Variants in SEMA4A observed in about 807,000 individuals in gnomAD.
SEMA4A encodes the protein semaphorin-4A.
In SEMA4A, 52 loss-of-function variants were observed where a neutral mutation model predicts 72.5. The ratio of observed to expected loss-of-function variants is 0.72; its 90% CI spans 0.57 to 0.90. SEMA4A has a LOEUF of 0.90. Ranked by LOEUF, SEMA4A falls within the 40% of genes least tolerant of loss-of-function variation. The pLI, the probability that SEMA4A is intolerant of heterozygous loss-of-function variation, is 0.00. For synonymous variants in SEMA4A, 369 were observed against 393.1 expected, an observed-to-expected ratio of 0.94 and a Z score of 0.73; for missense variants, 926 against 959.7, an observed-to-expected ratio of 0.96 and a Z score of 0.46.
At chr1:156,154,948 C>T (rs546362925) in intron 2 of SEMA4A, 9 of 585,140 alleles carry the variant, frequency 1.5e-5, no homozygotes, top group East Asian at 2.9e-5. Context: ...CAGGTGGCCA[C>T]GGGGCCAGGG....
chr1:156,156,376 A>G (rs755546752), intron 2 of SEMA4A, 38 bp from the exon 3 acceptor site: 24 of 1,608,226 alleles, frequency 1.5e-5, no homozygotes, highest in Non-Finnish European at 1.9e-5. Context: ...CCTGCCCACC[A>G]AGTCCTCATC....
In SEMA4A at chr1:156,175,638, C is replaced by T; in HGVS notation, c.1675C>T (p.Gln559Ter). Residue 559 changes from glutamine (Q) to a stop codon, truncating the protein, a stop_gained, in exon 14 of 15, where the codon CAG (glutamine) becomes TAG (stop). Transcript: ENST00000368285. LOFTEE classifies it high-confidence loss of function. The part of the protein sequence containing the change: ...SGPMSRSLRP[Q>*]SRPQIIKEVL... Reference sequence around the variant, plus strand: ...CCCCATGAGCAGGAGCCTTCGGCCTCAGAGCCGCCCGCAAATCAGTGAGTG... The same window carrying T: ...CCCCATGAGCAGGAGCCTTCGGCCTTAGAGCCGCCCGCAAATCAGTGAGTG... 1 of 1,608,914 alleles carries T rather than the reference C, an allele frequency of 6.2e-7. No homozygotes were observed. The highest frequency in any genetic ancestry group is 8.5e-7 in the Non-Finnish European group (1 of 1,177,704).
chr1:156,162,863 T>C (rs935223274), intron 9 of SEMA4A, 81 bp from the exon 10 acceptor site: 13 of 1,582,114 alleles, frequency 8.2e-6, no homozygotes, highest in African/African-American at 4.0e-5. Context: ...CTCCTGGGTT[T>C]TCTCACTGAG....
chr1:156,172,493 AAGG>A (rs1310752779), intron 10 of SEMA4A, among the ~76,000 whole-genome samples: 6 of 152,114 alleles, frequency 3.9e-5, no homozygotes, highest in African/African-American at 1.4e-4. Flanking sequence ...TGGAGGTGCA[AAGG>A]AGGAGAACAG....
Position 156,161,387 on chromosome 1 carries a change from C to T in SEMA4A, c.852C>T (p.Thr284=), listed in dbSNP as rs1281288333. ...GGEKLLQKKW[T]TFLKAQLLCT... is the part of the protein sequence containing the mutation. Reference sequence around the variant, plus strand: ...AAAAGCTGCTGCAGAAGAAGTGGACCACCTTCCTGAAGGCCCAGCTGCTCT... The same window carrying T: ...AAAAGCTGCTGCAGAAGAAGTGGACTACCTTCCTGAAGGCCCAGCTGCTCT... The change falls in exon 9 of 15, where the codon ACC becomes ACT. Residue 284 remains threonine (T), a synonymous_variant. Transcript: ENST00000368285. 1 of 1,487,274 alleles carries T rather than the reference C, an allele frequency of 6.7e-7. No individual in the cohort carries two copies. The highest frequency in any genetic ancestry group is 1.1e-5 in the South Asian group (1 of 89,432). The allele number at this position is 1,487,274 out of a possible 1,614,324, so 92.1% of individuals were successfully genotyped here. A position where few individuals can be genotyped will look rare whatever the true frequency, so the allele number is the denominator to read the frequency against.
chr1:156,163,349 T>C, intron 10 of SEMA4A: 1 of 518,256 alleles, frequency 1.9e-6, no homozygotes, highest in Non-Finnish European at 3.5e-6. Context: ...TATATCACTA[T>C]GGAAACAAGG....
chr1:156,158,573 C>A, intron 5 of SEMA4A, 87 bp downstream of exon 5: 2 of 1,354,782 alleles, frequency 1.5e-6, no homozygotes, highest in Non-Finnish European at 2.1e-6. Context: ...CTGGAAAACT[C>A]TGGCCTTCCA....
intron 11 of SEMA4A, 26 bp downstream of exon 11, chr1:156,173,032 C>T (rs945552577): frequency 2.4e-5 from 38 of 1,609,162 alleles, no homozygotes; most frequent in South Asian, 5.5e-5. Flanking sequence ...CGGGACATCC[C>T]CCAGAGGACT....
In SEMA4A at chr1:156,177,176, C is replaced by T. The variant is rs886045367; in HGVS notation, c.*179C>T. 9 of 687,048 alleles carry T rather than the reference C, an allele frequency of 1.3e-5. No homozygotes were observed. Among genetic ancestry groups the T allele is most frequent in the African/African-American group, 3.5e-5 (2 of 56,848 alleles). The allele number at this position is 687,048 out of a possible 1,614,324, so 42.6% of individuals were successfully genotyped here. A position where few individuals can be genotyped will look rare whatever the true frequency, so the allele number is the denominator to read the frequency against. Reference sequence around the variant, plus strand: ...CAGGGTGATGCACAGCAGTCTGCCTCCCCTATGGGACTCCCTTCTACCAAG... The same window carrying T: ...CAGGGTGATGCACAGCAGTCTGCCTTCCCTATGGGACTCCCTTCTACCAAG... On this transcript the variant is annotated 3_prime_UTR_variant, in exon 15 of 15. Transcript: ENST00000368285.
chr1:156,151,070 T>C (rs993480733), upstream of SEMA4A, among the ~76,000 whole-genome samples: 9 of 152,136 alleles, frequency 5.9e-5, no homozygotes, highest in Admixed American at 4.6e-4. Context: ...GTTTCCTCAT[T>C]TGTACGGTTG....
intron 3 of SEMA4A, 127 bp downstream of exon 3, chr1:156,156,701 T>C: frequency 3.4e-6 from 3 of 888,576 alleles, no homozygotes; most frequent in Non-Finnish European, 5.3e-6. Context: ...TCTCTTTATA[T>C]GTATATCGTG....
intron 10 of SEMA4A, among the ~76,000 whole-genome samples, chr1:156,169,543 C>A (rs1425229206): frequency 6.7e-6 from 1 of 150,252 alleles, no homozygotes; most frequent in Admixed American, 6.6e-5. Flanking sequence ...CCTCAGTCTC[C>A]GGAGTAGCTG....
At position 156,176,878 on chromosome 1, in the gene SEMA4A, C is replaced by T. The variant is rs199933282; in HGVS notation, c.2167C>T (p.Arg723Cys). Reference protein sequence around the residue: ...RGKVQGCETLRPGEKAPLSRE... With the variant: ...RGKVQGCETLCPGEKAPLSRE... ...CAAGGTTCAGGGCTGTGAGACCCTG[C>T]GCCCTGGGGAGAAGGCCCCGTTAAG... The change falls in exon 15 of 15, where the codon CGC becomes TGC. Residue 723 changes from arginine (R) to cysteine (C), a missense_variant. Coordinates refer to ENST00000368285, the MANE Select transcript of SEMA4A (RefSeq NM_022367.4). The T allele has an allele frequency of 2.7e-3, 4,290 of 1,614,246 alleles. 131 individuals are homozygous for T. In the South Asian group the frequency reaches 0.044, roughly 17 times the overall value.
chr1:156,153,255 TAGG>T (rs773109120), upstream of SEMA4A: 5 of 151,940 alleles, frequency 3.3e-5, no homozygotes, highest in Non-Finnish European at 5.9e-5. Flanking sequence ...TCCCAGTAGG[TAGG>T]AGTAGAGAGA....
chr1:156,152,732 C>A (rs1020410393), upstream of SEMA4A, among the ~76,000 whole-genome samples: 3 of 152,102 alleles, frequency 2.0e-5, no homozygotes, highest in African/African-American at 4.8e-5. Flanking sequence ...GGTGCTGTAG[C>A]AGGAGGGATG....
Position 156,176,563 on chromosome 1 carries a change from G to A in SEMA4A, c.1852G>A (p.Val618Ile). The part of the protein sequence containing the change: ...GSLLLIVQDG[V>I]GGLYQCWATE... Reference sequence around the variant, plus strand: ...CCTCTTGCTGATAGTGCAGGATGGAGTTGGGGGTCTCTACCAGTGCTGGGC... The same window carrying A: ...CCTCTTGCTGATAGTGCAGGATGGAATTGGGGGTCTCTACCAGTGCTGGGC... Residue 618 changes from valine to isoleucine, a missense_variant, in exon 15 of 15, where the codon GTT becomes ATT. Coordinates refer to ENST00000368285, the MANE Select transcript of SEMA4A (RefSeq NM_022367.4). 6.2e-7 allele frequency: 1 copy of A among 1,614,194 alleles called. No homozygotes were observed.
upstream of SEMA4A, among the ~76,000 whole-genome samples, chr1:156,149,570 A>C (rs1166604049): frequency 6.6e-5 from 10 of 152,204 alleles, no homozygotes; most frequent in East Asian, 1.5e-3. Context: ...AGTTGCATAG[A>C]TATTTGTGGG....
intron 3 of SEMA4A, among the ~76,000 whole-genome samples, 194 bp downstream of exon 3, chr1:156,156,768 G>T (rs1220467638): frequency 6.7e-6 from 1 of 149,228 alleles, no homozygotes; most frequent in Non-Finnish European, 1.5e-5. Flanking sequence ...TTTTGAGATG[G>T]AGTCTTGCTC....
chr1:156,162,897 C>T (rs1653793515), intron 9 of SEMA4A, 47 bp from the exon 10 acceptor site: 1 of 1,611,290 alleles, frequency 6.2e-7, no homozygotes, highest in Non-Finnish European at 8.5e-7. Context: ...GAGAGAGCTG[C>T]TGGTGTGGCA....
Sources: allele counts gnomAD v4.1 joint callset (sites outside exome capture counted in the v4.1 genomes callset), GRCh38; gene constraint gnomAD v4.1.1; transcripts MANE v1.5; gene names NCBI Gene and HGNC (gene_info 2026-07-23, HGNC 2026-07-21).